PTPRD: variants seen among roughly 807,000 people sequenced by gnomAD.
PTPRD encodes protein tyrosine phosphatase receptor type D.
In PTPRD, 34 loss-of-function variants were observed where a neutral mutation model predicts 214.5. The ratio of observed to expected loss-of-function variants is 0.16; its 90% CI spans 0.12 to 0.21. The LOEUF is 0.21. Ranked by LOEUF, PTPRD falls within the 10% of genes least tolerant of loss-of-function variation. The pLI, the probability that PTPRD is intolerant of heterozygous loss-of-function variation, is 1.00. For synonymous variants in PTPRD, 1,128 were observed against 845.7 expected, an observed-to-expected ratio of 1.33 and a Z score of -5.79; for missense variants, 2,545 against 2,398.7, an observed-to-expected ratio of 1.06 and a Z score of -1.27.
chr9:8,459,637 G>T (rs984935161), intron 33 of PTPRD, among the ~76,000 whole-genome samples: 2 of 152,062 alleles, frequency 1.3e-5, no homozygotes, highest in African/African-American at 4.8e-5. Context: ...GAGATTAGAT[G>T]TTAGAGGCAG....
At chr9:8,886,683 C>A (rs1303450737) in intron 11 of PTPRD, among the ~76,000 whole-genome samples, 1 of 152,142 alleles carries the variant, frequency 6.6e-6, no homozygotes, top group Non-Finnish European at 1.5e-5. Context: ...GCAGTCAGCA[C>A]CCCCTACCCC....
chr9:8,951,219 T>C (rs1331699849), intron 11 of PTPRD, among the ~76,000 whole-genome samples: 1 of 151,376 alleles, frequency 6.6e-6, no homozygotes, highest in East Asian at 1.9e-4. Flanking sequence ...CATCAACTAC[T>C]TGAAGCAGTT....
intron 7 of PTPRD, among the ~76,000 whole-genome samples, chr9:9,651,935 C>G (rs566441579): frequency 1.4e-5 from 2 of 147,006 alleles, no homozygotes; most frequent in East Asian, 4.3e-4. Context: ...CCTGGGTTCA[C>G]ACCATTCTCC....
At chr9:8,381,634 C>T (rs557769941) in intron 37 of PTPRD, among the ~76,000 whole-genome samples, 1 of 152,180 alleles carries the variant, frequency 6.6e-6, no homozygotes, top group African/African-American at 2.4e-5. Flanking sequence ...ACCACCAGTG[C>T]AGCTTTTCAT....
intron 10 of PTPRD, among the ~76,000 whole-genome samples, chr9:9,022,183 G>C (rs547642802): frequency 1.3e-5 from 2 of 152,058 alleles, no homozygotes; most frequent in Non-Finnish European, 2.9e-5. Flanking sequence ...TTAGCTTACA[G>C]TAAGCTAAGG....
chr9:9,100,021 G>C (rs1255320135), intron 10 of PTPRD, among the ~76,000 whole-genome samples: 1 of 152,040 alleles, frequency 6.6e-6, no homozygotes, highest in Non-Finnish European at 1.5e-5. Context: ...ACTTCTAAAA[G>C]AAAACATTAA....
chr9:9,106,795 T>C (rs1327098949), intron 10 of PTPRD, among the ~76,000 whole-genome samples: 1 of 152,116 alleles, frequency 6.6e-6, no homozygotes, highest in African/African-American at 2.4e-5. Flanking sequence ...TTTAATGAAA[T>C]CTATCCCTTA....
At chr9:8,853,802 G>A (rs1315004742) in intron 11 of PTPRD, among the ~76,000 whole-genome samples, 1 of 152,152 alleles carries the variant, frequency 6.6e-6, no homozygotes, top group Admixed American at 6.6e-5. Context: ...GGTTTTGCTT[G>A]AGGCAGTAAG....
intron 4 of PTPRD, among the ~76,000 whole-genome samples, chr9:9,969,748 G>A (rs533848859): frequency 1.2e-3 from 181 of 152,306 alleles, no homozygotes; most frequent in Non-Finnish European, 2.2e-3. Flanking sequence ...AAGTGGCAAT[G>A]CCCATCAAAT....
At chr9:9,292,626 A>G (rs1012924585) in intron 9 of PTPRD, among the ~76,000 whole-genome samples, 1 of 151,152 alleles carries the variant, frequency 6.6e-6, no homozygotes, top group African/African-American at 2.4e-5. Context: ...ACTAAAATCC[A>G]TACTTTATTC....
intron 12 of PTPRD, chr9:8,713,579 C>T: frequency 6.6e-7 from 1 of 1,510,328 alleles, no homozygotes; most frequent in Non-Finnish European, 9.1e-7. Flanking sequence ...CGGAGCGGCA[C>T]CCACAACATG....
At chr9:9,244,509 CA>C (rs2099972015) in intron 9 of PTPRD, among the ~76,000 whole-genome samples, 1 of 152,142 alleles carries the variant, frequency 6.6e-6, no homozygotes, top group African/African-American at 2.4e-5. Flanking sequence ...TGATCTTTGA[CA>C]AACCTGACAA....
intron 5 of PTPRD, among the ~76,000 whole-genome samples, chr9:9,789,165 C>A (rs1384238371): frequency 6.6e-6 from 1 of 152,104 alleles, no homozygotes; most frequent in African/African-American, 2.4e-5. Flanking sequence ...TATTTGTATG[C>A]CTATATATTT....
intron 9 of PTPRD, among the ~76,000 whole-genome samples, chr9:9,185,352 C>G (rs188877080): frequency 6.7e-4 from 102 of 152,144 alleles, no homozygotes; most frequent in African/African-American, 2.3e-3. Flanking sequence ...CTCTCCCTTT[C>G]CCCTAGAGTC....
At chr9:8,504,496 C>T in intron 22 of PTPRD, 91 bp from the exon 23 acceptor site, 1 of 1,420,942 alleles carries the variant, frequency 7.0e-7, no homozygotes, top group African/African-American at 1.4e-5. Flanking sequence ...TTTCTATCAT[C>T]AGGATTATAA....
intron 9 of PTPRD, among the ~76,000 whole-genome samples, chr9:9,346,552 C>T (rs1569567565): frequency 6.6e-6 from 1 of 152,132 alleles, no homozygotes; most frequent in Non-Finnish European, 1.5e-5. Flanking sequence ...AAGCCACTTA[C>T]AAATGTCCAG....
chr9:8,874,645 G>T, intron 11 of PTPRD, among the ~76,000 whole-genome samples: 1 of 152,172 alleles, frequency 6.6e-6, no homozygotes. Flanking sequence ...AATGGAAATT[G>T]CATTGGAGTT....
chr9:10,321,869 G>C (rs918982193), intron 3 of PTPRD, among the ~76,000 whole-genome samples: 1 of 151,874 alleles, frequency 6.6e-6, no homozygotes, highest in Non-Finnish European at 1.5e-5. Flanking sequence ...TTTCGGAAGA[G>C]GAATTCGCAT....
intron 11 of PTPRD, among the ~76,000 whole-genome samples, chr9:8,964,190 G>GTTTTC (rs1334290420): frequency 1.9e-5 from 1 of 52,956 alleles, no homozygotes; most frequent in Non-Finnish European, 3.4e-5. Flanking sequence ...GTTCAGGGCT[G>GTTTTC]TGTTTTTTTT....
Sources: gnomAD v4.1 joint callset for allele counts (sites outside exome capture counted in the v4.1 genomes callset) on GRCh38, gnomAD v4.1.1 for gene constraint, MANE v1.5 for transcripts, NCBI Gene and HGNC (gene_info 2026-07-23, HGNC 2026-07-21) for gene names.